Variants in ERBB4 observed in about 807,000 individuals in gnomAD.
The protein encoded by ERBB4 is erb-b2 receptor tyrosine kinase 4.
Under a neutral mutation model 158.0 loss-of-function variants are expected in ERBB4, and 42 were observed. That is an observed-to-expected ratio of 0.27 (90% CI 0.21 to 0.34). ERBB4 has a LOEUF of 0.34. ERBB4 is among the 10% of genes least tolerant of loss of function. The pLI is 1.00. For missense variants in ERBB4, 1,333 were observed against 1,624.1 expected (o/e 0.82, Z 3.08); for synonymous variants, 583 against 558.7 (o/e 1.04, Z -0.61).
intron 1 of ERBB4, among the ~76,000 whole-genome samples, chr2:212,501,619 A>C (rs1217780854): frequency 6.6e-6 from 1 of 152,196 alleles, no homozygotes; most frequent in Non-Finnish European, 1.5e-5. Context: ...TGTACCCTGA[A>C]AATCATACCT....
intron 1 of ERBB4, among the ~76,000 whole-genome samples, chr2:212,422,528 C>T (rs1410887484): frequency 2.6e-5 from 4 of 151,810 alleles, no homozygotes; most frequent in South Asian, 2.1e-4. Context: ...CACACACACA[C>T]GAAGCGGGAA....
intron 1 of ERBB4, among the ~76,000 whole-genome samples, chr2:212,184,428 G>C (rs2081958437): frequency 6.6e-6 from 1 of 152,022 alleles, no homozygotes; most frequent in Admixed American, 6.6e-5. Flanking sequence ...GGTTGATTTT[G>C]TTTTAGGGTC....
At chr2:211,810,527 T>C (rs1272621544) in intron 3 of ERBB4, among the ~76,000 whole-genome samples, 4 of 152,192 alleles carry the variant, frequency 2.6e-5, no homozygotes, top group Non-Finnish European at 2.9e-5. Flanking sequence ...GCCGTTTTTT[T>C]GCTTTCCATT....
chr2:212,510,604 G>C (rs1252079443), intron 1 of ERBB4, among the ~76,000 whole-genome samples: 1 of 151,940 alleles, frequency 6.6e-6, no homozygotes, highest in Non-Finnish European at 1.5e-5. Context: ...GAATTATCAC[G>C]CTATGAAAAT....
chr2:212,014,763 T>C (rs976025133), intron 2 of ERBB4, among the ~76,000 whole-genome samples: 1 of 152,050 alleles, frequency 6.6e-6, no homozygotes, highest in Non-Finnish European at 1.5e-5. Context: ...TAACTGACCC[T>C]AATTCTTAAA....
At chr2:211,514,370 C>T (rs1171571900) in intron 20 of ERBB4, among the ~76,000 whole-genome samples, 1 of 152,128 alleles carries the variant, frequency 6.6e-6, no homozygotes, top group Non-Finnish European at 1.5e-5. Flanking sequence ...TCTAATTCAG[C>T]CAGAGCCTAA....
Position 212,471,864 on chromosome 2 carries a change from C to T in ERBB4, c.82+66585G>A, listed in dbSNP as rs1222046483. Among the ~76,000 whole-genome samples, 5 of 151,676 alleles carry T rather than the reference C, an allele frequency of 3.3e-5. No individual in the cohort carries two copies. In the East Asian group the frequency reaches 7.7e-4, roughly 23 times the overall value. On this transcript the variant is annotated intron_variant, in intron 1 of 27. Coordinates refer to ENST00000342788, the MANE Select transcript of ERBB4 (RefSeq NM_005235.3). ...AAAAGCAAATCTAGATTATATTTAC[C>T]AAATTATCCAGTCAGTTAACAAGAA...
At chr2:212,503,951 T>C (rs570090848) in intron 1 of ERBB4, among the ~76,000 whole-genome samples, 2 of 152,296 alleles carry the variant, frequency 1.3e-5, no homozygotes, top group Admixed American at 6.5e-5. Flanking sequence ...TCACTCCTAG[T>C]AGAAAACAAA....
At chr2:212,166,288 C>T (rs1330143572) in intron 1 of ERBB4, among the ~76,000 whole-genome samples, 2 of 152,070 alleles carry the variant, frequency 1.3e-5, no homozygotes. Context: ...GGATATGCTT[C>T]TTCTCACTAC....
intron 3 of ERBB4, among the ~76,000 whole-genome samples, chr2:211,803,983 C>T (rs1169146165): frequency 6.6e-6 from 1 of 152,172 alleles, no homozygotes; most frequent in Non-Finnish European, 1.5e-5. Context: ...CTTCTTCATA[C>T]TTCTTGTCAT....
intron 1 of ERBB4, among the ~76,000 whole-genome samples, chr2:212,127,517 G>T (rs918028019): frequency 6.6e-6 from 1 of 152,130 alleles, no homozygotes; most frequent in African/African-American, 2.4e-5. Context: ...GCATGAACCC[G>T]GGAGGTGGAG....
intron 19 of ERBB4, among the ~76,000 whole-genome samples, chr2:211,614,745 A>T (rs1015077897): frequency 6.6e-6 from 1 of 152,114 alleles, no homozygotes; most frequent in Non-Finnish European, 1.5e-5. Context: ...TATTCATTTC[A>T]CTTGATTAAT....
chr2:212,342,875 T>C (rs1246719882), intron 1 of ERBB4, among the ~76,000 whole-genome samples: 1 of 152,218 alleles, frequency 6.6e-6, no homozygotes, highest in Non-Finnish European at 1.5e-5. Flanking sequence ...ATCTAACTTC[T>C]GATCTATGAG....
In ERBB4 at chr2:212,167,160, A is replaced by G. The variant is rs573926618; in HGVS notation, c.83-42257T>C. On this transcript the variant is annotated intron_variant, in intron 1 of 27. Transcript: ENST00000342788. ...TATCATCAGAGTGAACAGGCAACCT[A>G]CAGAATGAGAGAAAATTTGTACCAT... 2.1e-4 allele frequency among the ~76,000 whole-genome samples: 32 copies of G among 152,294 alleles called. 1 individual carries two copies. The highest frequency in any genetic ancestry group is 7.5e-4 in the African/African-American group (31 of 41,570).
chr2:211,527,929 G>C (rs1031276254), intron 20 of ERBB4, among the ~76,000 whole-genome samples: 1 of 151,842 alleles, frequency 6.6e-6, no homozygotes. Context: ...CTAAAAGAAA[G>C]ACAGGAAAGA....
intron 1 of ERBB4, among the ~76,000 whole-genome samples, chr2:212,454,091 C>A (rs1443351377): frequency 2.6e-5 from 4 of 152,122 alleles, no homozygotes; most frequent in African/African-American, 9.7e-5. Context: ...CAGGCATGCA[C>A]CACCATGCCC....
chr2:212,153,229 A>G lies in ERBB4; in HGVS notation c.83-28326T>C, dbSNP rs554349768. Reference sequence around the variant, plus strand: ...AAAAAATAAATCTTGGCAAAATACCAATTTTTTCTCATCCAGGTTCCCTGT... The same window carrying G: ...AAAAAATAAATCTTGGCAAAATACCGATTTTTTCTCATCCAGGTTCCCTGT... On this transcript the variant is annotated intron_variant, in intron 1 of 27. Coordinates refer to ENST00000342788, the MANE Select transcript of ERBB4 (RefSeq NM_005235.3). Among the ~76,000 whole-genome samples the G allele has an allele frequency of 2.3e-3, 352 of 152,320 alleles. 2 individuals are homozygous for G. Among genetic ancestry groups the G allele is most frequent in the Non-Finnish European group, 4.2e-3 (287 of 68,018 alleles).
chr2:212,034,664 G>T (rs1320567909), intron 2 of ERBB4, among the ~76,000 whole-genome samples: 1 of 152,026 alleles, frequency 6.6e-6, no homozygotes, highest in Admixed American at 6.6e-5. Context: ...ATTAATAAAA[G>T]CTTGGGGGAA....
Position 211,648,943 on chromosome 2 carries a change from C to T in ERBB4, c.1946+8811G>A, listed in dbSNP as rs559113309. Among the ~76,000 whole-genome samples, 29 of 151,946 alleles carry T rather than the reference C, an allele frequency of 1.9e-4. No individual in the cohort carries two copies. The South Asian group carries it at 4.6e-3, about 24-fold the overall frequency. ...AAGTTGTTCTCATACGAAACCACAA[C>T]TTTGTTTTTCAAATCTCTGCAGAAT... On this transcript the variant is annotated intron_variant, in intron 16 of 27. Coordinates refer to ENST00000342788, the MANE Select transcript of ERBB4 (RefSeq NM_005235.3).
Sources: allele counts gnomAD v4.1 joint callset (sites outside exome capture counted in the v4.1 genomes callset), GRCh38; gene constraint gnomAD v4.1.1; transcripts MANE v1.5; gene names NCBI Gene and HGNC (gene_info 2026-07-23, HGNC 2026-07-21).